The following DPYD variants were observed in gnomAD, a reference collection of about 807,000 sequenced individuals.
The protein encoded by DPYD is dihydropyrimidine dehydrogenase.
In DPYD, 109 loss-of-function variants were observed where a neutral mutation model predicts 116.2. The observed-to-expected ratio is 0.94, with a 90% CI of 0.80 to 1.10. The LOEUF (loss-of-function observed/expected upper bound fraction) is 1.10, where lower values mean the gene tolerates loss of function less well. DPYD is among the 50% of genes least tolerant of loss of function. DPYD has a pLI of 0.00. For missense variants in DPYD, 1,302 were observed against 1,254.5 expected (o/e 1.04, Z -0.57); for synonymous variants, 440 against 432.0 (o/e 1.02, Z -0.23).
intron 13 of DPYD, among the ~76,000 whole-genome samples, chr1:97,487,773 T>G (rs55701055): frequency 0.022 from 3,395 of 152,330 alleles, 51 homozygotes; most frequent in Middle Eastern, 0.041. Flanking sequence ...GTGACCATAT[T>G]AAGTACTGGC....
chr1:97,151,663 G>T (rs1164403222), intron 20 of DPYD, among the ~76,000 whole-genome samples: 1 of 151,486 alleles, frequency 6.6e-6, no homozygotes, highest in Non-Finnish European at 1.5e-5. Context: ...CTACAAGAGT[G>T]AAAGTCTGTC....
intron 10 of DPYD, among the ~76,000 whole-genome samples, chr1:97,587,316 A>G (rs147640632): frequency 6.6e-6 from 1 of 152,334 alleles, no homozygotes; most frequent in East Asian, 1.9e-4. Flanking sequence ...CTACCTTCAG[A>G]GAGCAAATCA....
intron 16 of DPYD, 134 bp downstream of exon 16, chr1:97,373,427 A>C: frequency 2.8e-6 from 2 of 710,052 alleles, no homozygotes; most frequent in East Asian, 5.5e-5. Flanking sequence ...CTAAATATTT[A>C]AACAATGCAG....
intron 20 of DPYD, among the ~76,000 whole-genome samples, chr1:97,117,223 AC>A (rs545997233): frequency 9.9e-4 from 151 of 152,296 alleles, no homozygotes; most frequent in African/African-American, 3.5e-3. Context: ...ATGTGCTAAC[AC>A]TACAAAGTTT....
chr1:97,692,703 C>A (rs761163628), intron 6 of DPYD, among the ~76,000 whole-genome samples: 27 of 152,074 alleles, frequency 1.8e-4, no homozygotes, highest in Non-Finnish European at 3.1e-4. Flanking sequence ...TTAATAAGTT[C>A]TTTTTCTGAT....
intron 10 of DPYD, among the ~76,000 whole-genome samples, chr1:97,586,474 ATATATAT>A (rs1316891489): frequency 7.2e-5 from 2 of 27,594 alleles, no homozygotes; most frequent in South Asian, 2.4e-3. Flanking sequence ...ACATATATAT[ATATATAT>A]ATATATATAT....
At chr1:97,222,235 A>T (rs1414940344) in intron 19 of DPYD, among the ~76,000 whole-genome samples, 1 of 152,148 alleles carries the variant, frequency 6.6e-6, no homozygotes, top group Non-Finnish European at 1.5e-5. Context: ...AACGGACAGT[A>T]GAAAGGATTT....
rs908727804 is a variant in DPYD, at chr1:97,356,273, A to G, written c.2058+17288T>C. Among the ~76,000 whole-genome samples the G allele has an allele frequency of 2.6e-5, 4 of 152,034 alleles. No individual in the cohort carries two copies. The East Asian group carries it at 7.7e-4, about 29-fold the overall frequency. On this transcript the variant is annotated intron_variant, in intron 16 of 22. Transcript: ENST00000370192. ...AGCTCCCTTGCTCATTTTTTATTCA[A>G]ACTATTTCTTTTCTTTCCAAAGAGT...
chr1:97,132,777 A>G (rs1653435733), intron 20 of DPYD, among the ~76,000 whole-genome samples: 1 of 152,128 alleles, frequency 6.6e-6, no homozygotes, highest in South Asian at 2.1e-4. Flanking sequence ...TTTTATAATG[A>G]CTACTATTTC....
chr1:97,697,446 A>G (rs1251568944), intron 6 of DPYD, among the ~76,000 whole-genome samples: 1 of 152,098 alleles, frequency 6.6e-6, no homozygotes, highest in South Asian at 2.1e-4. Context: ...GTAAGTAGAA[A>G]ATAAAGTAAC....
chr1:97,607,313 T>C (rs1188138349), intron 8 of DPYD, among the ~76,000 whole-genome samples: 1 of 151,964 alleles, frequency 6.6e-6, no homozygotes, highest in Non-Finnish European at 1.5e-5. Context: ...CCTTCTCTCA[T>C]AGCACATGTC....
At chr1:97,831,534 G>A (rs1052248514) in intron 2 of DPYD, among the ~76,000 whole-genome samples, 9 of 152,048 alleles carry the variant, frequency 5.9e-5, no homozygotes, top group Non-Finnish European at 7.4e-5. Context: ...CCCAGAATAC[G>A]ATTTCAGTGG....
chr1:97,465,656 G>A (rs775849000), intron 13 of DPYD, among the ~76,000 whole-genome samples: 12 of 152,084 alleles, frequency 7.9e-5, no homozygotes, highest in Non-Finnish European at 1.5e-4. Flanking sequence ...GCTCCTCCTT[G>A]CCTTCTGCTA....
intron 1 of DPYD, among the ~76,000 whole-genome samples, chr1:97,896,025 C>G (rs2101672214): frequency 6.6e-6 from 1 of 151,840 alleles, no homozygotes. Context: ...ACTGTAATTA[C>G]ATACTATTTG....
At chr1:97,332,604 A>T (rs968389444) in intron 16 of DPYD, among the ~76,000 whole-genome samples, 10 of 152,204 alleles carry the variant, frequency 6.6e-5, no homozygotes, top group African/African-American at 2.4e-4. Context: ...AGTTACCAAC[A>T]AAACGATAGT....
chr1:97,108,542 TG>T (rs1651348377), intron 20 of DPYD, among the ~76,000 whole-genome samples: 1 of 152,188 alleles, frequency 6.6e-6, no homozygotes, highest in African/African-American at 2.4e-5. Flanking sequence ...TCATGGATCA[TG>T]TTTATCAAAC....
intron 6 of DPYD, among the ~76,000 whole-genome samples, chr1:97,695,075 A>C (rs1661219789): frequency 6.6e-6 from 1 of 152,150 alleles, no homozygotes; most frequent in Non-Finnish European, 1.5e-5. Context: ...CATAGGCGAC[A>C]TATGCCTCCA....
intron 16 of DPYD, among the ~76,000 whole-genome samples, chr1:97,353,185 G>A (rs1670239435): frequency 6.6e-6 from 1 of 152,166 alleles, no homozygotes; most frequent in Admixed American, 6.5e-5. Context: ...AGTGCATTGT[G>A]TCACAGTCTC....
rs536960970 is a variant in DPYD, at chr1:97,189,350, G to T, written c.2622+3719C>A. On this transcript the variant is annotated intron_variant, in intron 20 of 22. Transcript: ENST00000370192. ...TTCCAGATGTCGGGAACAGCATGTG[G>T]AAATGCATGCAGATCCCAAGTGATC... Among the ~76,000 whole-genome samples the T allele has an allele frequency of 3.3e-5, 5 of 152,284 alleles. No homozygotes were observed. The East Asian group carries it at 9.6e-4, about 29-fold the overall frequency.
Sources: allele counts gnomAD v4.1 joint callset (sites outside exome capture counted in the v4.1 genomes callset), GRCh38; gene constraint gnomAD v4.1.1; transcripts MANE v1.5; gene names NCBI Gene and HGNC (gene_info 2026-07-23, HGNC 2026-07-21).